Variants in ASAH2 observed in about 807,000 individuals in gnomAD.
ASAH2 encodes the protein N-acylsphingosine amidohydrolase 2.
Under a neutral mutation model 82.9 loss-of-function variants are expected in ASAH2, and 58 were observed. That is an observed-to-expected ratio of 0.70 (90% CI 0.57 to 0.87). The LOEUF (loss-of-function observed/expected upper bound fraction) is 0.87. ASAH2 is among the 40% of genes least tolerant of loss of function. The probability of loss-of-function intolerance (pLI) is 0.00; values close to 1 mark genes in which losing one functional copy is unlikely to be tolerated. For missense variants in ASAH2, 779 were observed against 834.0 expected (o/e 0.93, Z 0.81); for synonymous variants, 276 against 289.7 (o/e 0.95, Z 0.48).
At chr10:50,247,082 G>A (rs1846477847) in intron 2 of ASAH2, among the ~76,000 whole-genome samples, 1 of 152,050 alleles carries the variant, frequency 6.6e-6, no homozygotes, top group Non-Finnish European at 1.5e-5. Flanking sequence ...AATAGTTGCT[G>A]TAATTAATAA....
chr10:50,194,757 C>T (rs1194811583), intron 18 of ASAH2, among the ~76,000 whole-genome samples: 1 of 151,130 alleles, frequency 6.6e-6, no homozygotes, highest in African/African-American at 2.4e-5. Flanking sequence ...GAAATAAGCC[C>T]GCACATTTAT....
chr10:50,212,370 G>T (rs1317602882), intron 10 of ASAH2, among the ~76,000 whole-genome samples: 1 of 152,020 alleles, frequency 6.6e-6, no homozygotes, highest in Non-Finnish European at 1.5e-5. Flanking sequence ...ATTTAGGAGG[G>T]GGAGGAAATC....
At chr10:50,208,355 T>G (rs1845360247) in intron 12 of ASAH2, among the ~76,000 whole-genome samples, 2 of 151,904 alleles carry the variant, frequency 1.3e-5, no homozygotes, top group African/African-American at 2.4e-5. Context: ...AAAAGAAAAA[T>G]TAAAACTATT....
chr10:50,215,750 C>A (rs919416103), intron 8 of ASAH2, among the ~76,000 whole-genome samples: 1 of 152,074 alleles, frequency 6.6e-6, no homozygotes, highest in Non-Finnish European at 1.5e-5. Flanking sequence ...GAAAACAGTG[C>A]GATGATTCCT....
intron 4 of ASAH2, among the ~76,000 whole-genome samples, chr10:50,241,067 G>A (rs899768493): frequency 2.0e-5 from 3 of 152,188 alleles, no homozygotes; most frequent in Admixed American, 6.5e-5. Flanking sequence ...CTGCTGTGTC[G>A]TAAGGATAGG....
chr10:50,186,089 G>C lies in ASAH2; in HGVS notation c.*1226C>G, dbSNP rs1165732837. Reference sequence around the variant, plus strand: ...ATGCCCAAAAATAACTTTCAAAATAGTATTTAGCAAACTGTCTGGAGCCTC... The same window carrying C: ...ATGCCCAAAAATAACTTTCAAAATACTATTTAGCAAACTGTCTGGAGCCTC... On this transcript the variant is annotated 3_prime_UTR_variant, in exon 21 of 21. Transcript: ENST00000682911. 6.9e-6 allele frequency: 1 copy of C among 144,028 alleles called. No homozygotes were observed. Among genetic ancestry groups the C allele is most frequent in the East Asian group, 2.0e-4 (1 of 5,026 alleles). The allele number at this position is 144,028 out of a possible 1,614,324, so 8.9% of individuals were successfully genotyped here.
At position 50,248,491 on chromosome 10, in the gene ASAH2, G is replaced by A; in HGVS notation, c.120C>T (p.Asn40=). 6.2e-7 allele frequency: 1 copy of A among 1,613,686 alleles called. No homozygotes were observed. Among genetic ancestry groups the A allele is most frequent in the Non-Finnish European group, 8.5e-7 (1 of 1,179,708 alleles). Residue 40 remains asparagine, a synonymous_variant, in exon 2 of 21, where the codon AAC becomes AAT. Coordinates refer to ENST00000682911, the MANE Select transcript of ASAH2 (RefSeq NM_019893.4). ...LLFITSGTIE[N]HKDLGGHFFS... ...AGAGCCCATGACACTTGCCTTTGTG[G>A]TTTTCAATGGTCCCACTGGTGATAA...
intron 7 of ASAH2, among the ~76,000 whole-genome samples, chr10:50,225,806 A>T (rs2133218690): frequency 6.6e-6 from 1 of 152,180 alleles, no homozygotes; most frequent in East Asian, 1.9e-4. Context: ...AATGCTTATC[A>T]TAGGCCGGAT....
At chr10:50,195,666 G>A (rs1844956843) in intron 18 of ASAH2, among the ~76,000 whole-genome samples, 1 of 151,788 alleles carries the variant, frequency 6.6e-6, no homozygotes, top group Non-Finnish European at 1.5e-5. Flanking sequence ...TGGATGAATG[G>A]ATAAAGAAAA....
At chr10:50,249,924 C>T (rs1264333346) in intron 1 of ASAH2, among the ~76,000 whole-genome samples, 1 of 152,078 alleles carries the variant, frequency 6.6e-6, no homozygotes, top group Admixed American at 6.6e-5. Flanking sequence ...GGCTAAGATG[C>T]TGCTACCCCC....
chr10:50,231,233 T>C (rs1202774349), intron 7 of ASAH2, among the ~76,000 whole-genome samples: 1 of 152,012 alleles, frequency 6.6e-6, no homozygotes, highest in African/African-American at 2.4e-5. Flanking sequence ...AATGCCCCAC[T>C]AAAGTGCTCT....
chr10:50,229,447 C>G (rs1162809502), intron 7 of ASAH2, among the ~76,000 whole-genome samples: 1 of 152,112 alleles, frequency 6.6e-6, no homozygotes, highest in Non-Finnish European at 1.5e-5. Context: ...GGTGGCTTCA[C>G]AATTGTAGAG....
At chr10:50,215,403 G>T (rs905039167) in intron 8 of ASAH2, among the ~76,000 whole-genome samples, 5 of 151,258 alleles carry the variant, frequency 3.3e-5, no homozygotes, top group Admixed American at 6.6e-5. Context: ...TATTTGCCTA[G>T]GTTTTCTTCT....
At chr10:50,234,732 G>T (rs1487966099) in intron 5 of ASAH2, among the ~76,000 whole-genome samples, 180 bp from the exon 6 acceptor site, 1 of 151,984 alleles carries the variant, frequency 6.6e-6, no homozygotes, top group Admixed American at 6.6e-5. Context: ...AACAGAAATG[G>T]CTTTCAAGGT....
chr10:50,230,781 C>T (rs921890121), intron 7 of ASAH2, among the ~76,000 whole-genome samples: 86 of 152,186 alleles, frequency 5.7e-4, no homozygotes, highest in Non-Finnish European at 1.0e-3. Context: ...GTAGCTCACA[C>T]CTGTAATCCA....
At chr10:50,203,834 T>C (rs987387363) in intron 14 of ASAH2, among the ~76,000 whole-genome samples, 155 bp from the exon 15 acceptor site, 4 of 151,942 alleles carry the variant, frequency 2.6e-5, no homozygotes, top group Admixed American at 2.6e-4. Context: ...AAACTTGAAC[T>C]TTTTTTCTGC....
intron 16 of ASAH2, among the ~76,000 whole-genome samples, chr10:50,201,186 A>G (rs1410146325): frequency 6.6e-6 from 1 of 151,970 alleles, no homozygotes; most frequent in Non-Finnish European, 1.5e-5. Flanking sequence ...CTCCCCATTC[A>G]TCCCACGGAG....
rs578123995 is a variant in ASAH2, at chr10:50,248,601, G to A, written c.10C>T (p.Arg4Cys). The change falls in exon 2 of 21, where the codon CGC becomes TGC. Residue 4 changes from arginine (R) to cysteine (C), a missense_variant. By Grantham distance (180) the Arg-to-Cys change is radical (BLOSUM62 -3). Coordinates refer to ENST00000682911, the MANE Select transcript of ASAH2 (RefSeq NM_019893.4). ...AATGTCTCCAAGTTAGAGAAGGTGC[G>A]TTTGGCCATTTCTTCTCAGGTACAG... MAK[R>C]TFSNLETFLI... 98 of 1,613,390 alleles carry A rather than the reference G, an allele frequency of 6.1e-5. No homozygotes were observed. Among genetic ancestry groups the A allele is most frequent in the South Asian group, 5.7e-4 (52 of 90,984 alleles).
chr10:50,239,118 T>A (rs1846231230), intron 4 of ASAH2, among the ~76,000 whole-genome samples: 1 of 152,210 alleles, frequency 6.6e-6, no homozygotes, highest in Non-Finnish European at 1.5e-5. Flanking sequence ...CAGAAAAACC[T>A]AGAAAGTCCT....
Sources: gnomAD v4.1 joint callset for allele counts (sites outside exome capture counted in the v4.1 genomes callset) on GRCh38, gnomAD v4.1.1 for gene constraint, MANE v1.5 for transcripts, NCBI Gene and HGNC (gene_info 2026-07-23, HGNC 2026-07-21) for gene names.